PASD1: variants seen among roughly 807,000 people sequenced by gnomAD.
PASD1 encodes PAS domain containing repressor 1.
Under a neutral mutation model 58.8 loss-of-function variants are expected in PASD1, and 13 were observed. The observed-to-expected ratio is 0.22, with a 90% confidence interval of 0.14 to 0.35. The LOEUF is 0.35. Among genes scored for constraint, PASD1 ranks in the 10% least tolerant of loss-of-function variants. The pLI, the probability that PASD1 is intolerant of heterozygous loss-of-function variation, is 1.00. For synonymous variants in PASD1, 236 were observed against 216.7 expected (o/e 1.09, Z -0.78); for missense variants, 734 against 568.3 (o/e 1.29, Z -2.96).
chrX:151,613,365 G>T (rs759020488), intron 4 of PASD1, among the ~76,000 whole-genome samples: 1 of 108,461 alleles, frequency 9.2e-6, no homozygotes, highest in African/African-American at 3.4e-5. Flanking sequence ...AAAGTCCTTG[G>T]TAGCTTGATG....
At chrX:151,599,257 T>G (rs2013364722) in intron 1 of PASD1, among the ~76,000 whole-genome samples, 1 of 112,864 alleles carries the variant, frequency 8.9e-6, no homozygotes, top group East Asian at 2.8e-4. Context: ...GATCTCTCTT[T>G]CTTTTCCCCA....
intron 3 of PASD1, 32 bp from the exon 4 acceptor site, chrX:151,611,630 CTA>C (rs780826117): frequency 1.0e-6 from 1 of 978,031 alleles, no homozygotes; most frequent in Admixed American, 2.7e-5. Context: ...TATTGTTCCA[CTA>C]TTTAATTACA....
intron 9 of PASD1, 102 bp downstream of exon 9, chrX:151,648,804 T>G (rs1196512532): frequency 1.1e-6 from 1 of 946,636 alleles, no homozygotes; most frequent in Non-Finnish European, 1.5e-6. Flanking sequence ...CATATGGATG[T>G]GACACATGAG....
At chrX:151,628,476 T>G (rs1486268733) in intron 8 of PASD1, among the ~76,000 whole-genome samples, 1 of 112,343 alleles carries the variant, frequency 8.9e-6, no homozygotes, top group Non-Finnish European at 1.9e-5. Context: ...CTTTCCCCAT[T>G]TCTTGTTTTT....
At chrX:151,582,111 C>T (rs988085367) in intron 1 of PASD1, among the ~76,000 whole-genome samples, 12 of 107,661 alleles carry the variant, frequency 1.1e-4, no homozygotes, top group African/African-American at 3.8e-4. Flanking sequence ...CTCAGCCTCC[C>T]GAATAGCTGG....
intron 11 of PASD1, among the ~76,000 whole-genome samples, chrX:151,668,494 A>C (rs1467584858): frequency 3.6e-5 from 4 of 111,040 alleles, no homozygotes; most frequent in Non-Finnish European, 7.5e-5. Context: ...GAGAAGAATC[A>C]AATAGACGCA....
Position 151,625,316 on chromosome X carries a change from G to T in PASD1, c.547-132G>T. The T allele has an allele frequency of 1.1e-5, 5 of 452,199 alleles. No homozygotes were observed. In the South Asian group the frequency reaches 2.5e-4, roughly 22 times the overall value. The allele number at this position is 452,199 out of a possible 1,213,427, so 37.3% of individuals were successfully genotyped here. A position where few individuals can be genotyped will look rare whatever the true frequency, so the allele number is the denominator to read the frequency against. On this transcript the variant is annotated intron_variant, in intron 7 of 15. Transcript: ENST00000370357. ...CAGTTTTCAAATCTGTAAAACTCCA[G>T]TGCATTTCTCACATTGATATGCAGA...
intron 1 of PASD1, among the ~76,000 whole-genome samples, chrX:151,597,198 A>G: frequency 1.8e-5 from 2 of 111,901 alleles, no homozygotes; most frequent in Middle Eastern, 9.3e-3. Context: ...TTCTCTTTTT[A>G]TGTGTTTTCT....
chrX:151,669,991 A>G (rs768813077), intron 11 of PASD1, among the ~76,000 whole-genome samples: 100 of 112,173 alleles, frequency 8.9e-4, no homozygotes, highest in African/African-American at 3.1e-3. Context: ...TAGTGGCTGT[A>G]CTAATTTACA....
chrX:151,574,887 G>A (rs972504095), intron 1 of PASD1, among the ~76,000 whole-genome samples: 17 of 112,091 alleles, frequency 1.5e-4, no homozygotes, highest in Admixed American at 1.3e-3. Context: ...CTGGGCTCAA[G>A]GAATCCTCCT....
In PASD1 at chrX:151,623,011, G is replaced by T; in HGVS notation, c.493G>T (p.Asp165Tyr). ...ADFAACVPQE[D>Y]RLYLVGNVCI... is the part of the protein sequence containing the mutation. ...CTTTGCTGCATGTGTTCCTCAGGAG[G>T]ATCGGCTTTATCTTGTGGGAAATGT... The change falls in exon 7 of 16, where the codon GAT (aspartate) becomes TAT (tyrosine). Residue 165 changes from aspartate to tyrosine, a missense_variant. Transcript: ENST00000370357. 2 of 1,209,608 alleles carry T rather than the reference G, an allele frequency of 1.7e-6. No individual in the cohort carries two copies.
At chrX:151,615,524 TC>T (rs1403841962) in intron 4 of PASD1, among the ~76,000 whole-genome samples, 46 of 112,355 alleles carry the variant, frequency 4.1e-4, no homozygotes, top group African/African-American at 1.5e-3. Context: ...GTTTCACACT[TC>T]CTCATTGAAT....
rs890564910 is a variant in PASD1 at position 151,670,212 on chromosome X, C to T, written c.1072-826C>T. On this transcript the variant is annotated intron_variant, in intron 11 of 15. Transcript: ENST00000370357. ...TTCTCCCACCACTTGATCTTCTGCACAGCTGCCAGAAGGCATGTTTTATAA... is the reference window on the plus strand; with the variant it reads ...TTCTCCCACCACTTGATCTTCTGCATAGCTGCCAGAAGGCATGTTTTATAA... Among the ~76,000 whole-genome samples, 11 of 111,953 alleles carry T rather than the reference C, an allele frequency of 9.8e-5. No individual in the cohort carries two copies. In the Admixed American group the frequency reaches 1.0e-3, roughly 11 times the overall value.
At chrX:151,586,069 T>A (rs770719536) in intron 1 of PASD1, among the ~76,000 whole-genome samples, 1 of 111,550 alleles carries the variant, frequency 9.0e-6, no homozygotes, top group African/African-American at 3.3e-5. Context: ...GGGCTTCATG[T>A]ACAACCCAGG....
chrX:151,625,656 C>G, intron 8 of PASD1, 126 bp downstream of exon 8: 9 of 545,466 alleles, frequency 1.6e-5, no homozygotes, highest in Non-Finnish European at 2.3e-5. Context: ...AAAAAAGAAA[C>G]AAACGGGCCA....
intron 10 of PASD1, among the ~76,000 whole-genome samples, chrX:151,663,566 G>T (rs149845488): frequency 0.017 from 1,922 of 112,111 alleles, 17 homozygotes; most frequent in Non-Finnish European, 0.023. Context: ...TCCTGGTTGC[G>T]GGACTGCTGG....
chrX:151,642,193 A>G (rs1668834580), intron 8 of PASD1, among the ~76,000 whole-genome samples: 1 of 111,787 alleles, frequency 8.9e-6, no homozygotes, highest in Non-Finnish European at 1.9e-5. Context: ...TGAGAACGCA[A>G]TGGGCTTTTC....
rs758204073 is a variant in PASD1 at position 151,571,622 on chromosome X, A to G, written c.-28+7783A>G. Among the ~76,000 whole-genome samples, 3 of 112,581 alleles carry G rather than the reference A, an allele frequency of 2.7e-5. No individual in the cohort carries two copies. In the East Asian group the frequency reaches 8.4e-4, roughly 31 times the overall value. ...GTCCGACTCATGTCTATGTGGTCAA[A>G]TTGACAATTCTTGTCAAATAGAGGT... On this transcript the variant is annotated intron_variant, in intron 1 of 15. Coordinates refer to ENST00000370357, the MANE Select transcript of PASD1 (RefSeq NM_173493.3).
rs1181522689 is a variant in PASD1, at chrX:151,589,604, G to A, written c.-27-11923G>A. Among the ~76,000 whole-genome samples the A allele has an allele frequency of 2.7e-5, 3 of 111,658 alleles. No individual in the cohort carries two copies. In the East Asian group the frequency reaches 8.4e-4, roughly 31 times the overall value. ...TAGGTATTATAACCCCCATTTTAAA[G>A]TTGAGATAATTGAGACTCATAGAAG... On this transcript the variant is annotated intron_variant, in intron 1 of 15. Transcript: ENST00000370357.
Sources: allele counts gnomAD v4.1 joint callset (sites outside exome capture counted in the v4.1 genomes callset), GRCh38; gene constraint gnomAD v4.1.1; transcripts MANE v1.5; gene names NCBI Gene and HGNC (gene_info 2026-07-23, HGNC 2026-07-21).